TBC1D5: variants seen among roughly 807,000 people sequenced by gnomAD.
TBC1D5 encodes the protein TBC1 domain family member 5, also known as TBC1 domain family, member 5.
In TBC1D5, 75 loss-of-function variants were observed where a neutral mutation model predicts 100.3. The ratio of observed to expected loss-of-function variants is 0.75; its 90% CI spans 0.62 to 0.91. The LOEUF (loss-of-function observed/expected upper bound fraction) is 0.91. TBC1D5 is among the 40% of genes least tolerant of loss of function. TBC1D5 has a pLI of 0.00. For synonymous variants in TBC1D5, 323 were observed against 325.6 expected (o/e 0.99, Z 0.09); for missense variants, 910 against 942.4 (o/e 0.97, Z 0.45).
intron 17 of TBC1D5, chr3:17,233,715 C>A (rs1163205743): frequency 1.8e-5 from 28 of 1,545,848 alleles, no homozygotes; most frequent in African/African-American, 2.7e-5. Flanking sequence ...TGGACAGGAA[C>A]AGAAACCTGA....
At chr3:17,506,305 A>G (rs1249013216) in intron 3 of TBC1D5, among the ~76,000 whole-genome samples, 2 of 152,214 alleles carry the variant, frequency 1.3e-5, no homozygotes, top group Non-Finnish European at 1.5e-5. Flanking sequence ...ATTTACCTAT[A>G]CAATGCACAA....
exon 22 of TBC1D5, chr3:17,161,108 C>A: frequency 6.2e-7 from 1 of 1,614,174 alleles, no homozygotes; most frequent in East Asian, 2.2e-5. Flanking sequence ...TGGGGCCTGG[C>A]TTTTCCCAGA....
At chr3:17,528,396 GAGAATGC>G (rs2096169499) in intron 2 of TBC1D5, among the ~76,000 whole-genome samples, 1 of 152,120 alleles carries the variant, frequency 6.6e-6, no homozygotes, top group African/African-American at 2.4e-5. Flanking sequence ...AATCCCTTAG[GAGAATGC>G]AGTAACAAGG....
chr3:17,289,937 A>G (rs1387497388), intron 15 of TBC1D5, among the ~76,000 whole-genome samples: 1 of 152,202 alleles, frequency 6.6e-6, no homozygotes, highest in East Asian at 1.9e-4. Flanking sequence ...CCACATATAC[A>G]CTTAACTATA....
chr3:17,417,830 T>C (rs1470778064), intron 4 of TBC1D5, among the ~76,000 whole-genome samples: 1 of 152,118 alleles, frequency 6.6e-6, no homozygotes, highest in East Asian at 1.9e-4. Flanking sequence ...TGTTCCTATT[T>C]CTCCACATCC....
At chr3:17,492,458 C>CA (rs1449082245) in intron 3 of TBC1D5, among the ~76,000 whole-genome samples, 3 of 151,138 alleles carry the variant, frequency 2.0e-5, no homozygotes, top group Admixed American at 2.0e-4. Flanking sequence ...TTTTTTGAGA[C>CA]AGAGTCTCCT....
At chr3:17,576,840 G>A (rs969451081) in intron 2 of TBC1D5, among the ~76,000 whole-genome samples, 19 of 151,838 alleles carry the variant, frequency 1.3e-4, no homozygotes, top group Non-Finnish European at 2.5e-4. Flanking sequence ...ATATGTGTAC[G>A]TCTTCCCAAG....
chr3:17,157,641 T>A (rs1463024587), exon 22 of TBC1D5: 1 of 152,268 alleles, frequency 6.6e-6, no homozygotes, highest in East Asian at 1.9e-4. Flanking sequence ...GAACGGCCAC[T>A]CTATGTGGGG....
At chr3:17,264,591 CAT>C (rs66681672) in intron 15 of TBC1D5, among the ~76,000 whole-genome samples, 1,832 of 152,322 alleles carry the variant, frequency 0.012, 35 homozygotes, top group African/African-American at 0.041. Flanking sequence ...TATTGGCACT[CAT>C]GTGCTCTAGC....
chr3:17,661,116 G>C (rs1577299519), intron 1 of TBC1D5, among the ~76,000 whole-genome samples: 1 of 152,002 alleles, frequency 6.6e-6, no homozygotes, highest in African/African-American at 2.4e-5. Flanking sequence ...ATAACCCAAG[G>C]GTGGGTTAAT....
rs370600236 is a variant in TBC1D5 at position 17,511,238 on chromosome 3, C to CT, written c.-35-2634dup. Among the ~76,000 whole-genome samples the CT allele has an allele frequency of 8.7e-4, 132 of 152,120 alleles. 1 individual carries two copies. The highest frequency in any genetic ancestry group is 3.0e-3 in the African/African-American group (126 of 41,560). On this transcript the variant is annotated intron_variant, in intron 2 of 21. Coordinates refer to ENST00000253692, the Ensembl canonical transcript of TBC1D5. ...AAAATTTTATTTGGCCCATGGGCAA[C>CT]TATCTTAATGTAAGATTTATATTCT...
At chr3:17,549,295 C>A (rs913506721) in intron 2 of TBC1D5, among the ~76,000 whole-genome samples, 1 of 152,024 alleles carries the variant, frequency 6.6e-6, no homozygotes, top group Non-Finnish European at 1.5e-5. Context: ...AGCGACACTC[C>A]ATCTCAAAAA....
chr3:17,409,598 AG>A (rs1054225533), intron 4 of TBC1D5, among the ~76,000 whole-genome samples: 2 of 152,102 alleles, frequency 1.3e-5, no homozygotes, highest in African/African-American at 4.8e-5. Context: ...GAAAAAAAAA[AG>A]TTCTTGAAGG....
At chr3:17,591,270 A>AAAAC in intron 2 of TBC1D5, among the ~76,000 whole-genome samples, 1 of 142,910 alleles carries the variant, frequency 7.0e-6, no homozygotes, top group Non-Finnish European at 1.5e-5. Flanking sequence ...AAAAAAACAA[A>AAAAC]AACCCCAGAG....
At chr3:17,696,014 A>T (rs1288339238) in intron 1 of TBC1D5, among the ~76,000 whole-genome samples, 11 of 152,210 alleles carry the variant, frequency 7.2e-5, no homozygotes, top group Non-Finnish European at 1.2e-4. Flanking sequence ...GTAAATATCG[A>T]AATGAAGGCT....
chr3:17,677,345 A>G (rs1180310638), intron 1 of TBC1D5, among the ~76,000 whole-genome samples: 1 of 152,254 alleles, frequency 6.6e-6, no homozygotes, highest in East Asian at 1.9e-4. Context: ...GAAGGATGTG[A>G]AAAGACATTT....
chr3:17,583,704 G>A (rs146200526), intron 2 of TBC1D5, among the ~76,000 whole-genome samples: 460 of 152,172 alleles, frequency 3.0e-3, no homozygotes, highest in African/African-American at 0.011. Context: ...TCCAGGCCAC[G>A]CAACAGAGCA....
At chr3:17,183,799 T>C (rs886111693) in intron 19 of TBC1D5, among the ~76,000 whole-genome samples, 6 of 152,232 alleles carry the variant, frequency 3.9e-5, no homozygotes, top group Non-Finnish European at 8.8e-5. Flanking sequence ...CCGTTGTTAC[T>C]TGTAATGGCT....
chr3:17,332,396 T>G (rs1030809217), intron 13 of TBC1D5, among the ~76,000 whole-genome samples: 2 of 152,216 alleles, frequency 1.3e-5, no homozygotes, highest in Admixed American at 6.6e-5. Flanking sequence ...TTGGCCATTT[T>G]AAGTCAGCAC....
Sources: allele counts gnomAD v4.1 joint callset (sites outside exome capture counted in the v4.1 genomes callset), GRCh38; gene constraint gnomAD v4.1.1; transcripts MANE v1.5; gene names NCBI Gene and HGNC (gene_info 2026-07-23, HGNC 2026-07-21).